ANKFN1: variants seen among roughly 807,000 people sequenced by gnomAD.
The protein encoded by ANKFN1 is ankyrin repeat and fibronectin type III domain containing 1.
Under a neutral mutation model 108.7 loss-of-function variants are expected in ANKFN1, and 74 were observed. The ratio of observed to expected loss-of-function variants is 0.68; its 90% CI spans 0.56 to 0.83. The LOEUF (loss-of-function observed/expected upper bound fraction) is 0.83. Ranked by LOEUF, ANKFN1 falls within the 40% of genes least tolerant of loss-of-function variation. The pLI is 0.00. For missense variants in ANKFN1, 1,505 were observed against 1,382.3 expected (o/e 1.09, Z -1.41); for synonymous variants, 547 against 516.2 (o/e 1.06, Z -0.81).
rs181267565 is a variant in ANKFN1 at position 56,208,964 on chromosome 17, G to A, written c.-70-3634G>A. On this transcript the variant is annotated intron_variant, in intron 1 of 20. Transcript: ENST00000682825. ...ACGATCTCAGCTAACTGCAACCTCC[G>A]CCTCCTGGATTCAACCCATTCTCCT... 1.7e-3 allele frequency among the ~76,000 whole-genome samples: 260 copies of A among 151,848 alleles called. 4 individuals carry two copies. The highest frequency in any genetic ancestry group is 6.0e-3 in the African/African-American group (250 of 41,402).
At chr17:56,314,728 T>A (rs183175897) in intron 3 of ANKFN1, among the ~76,000 whole-genome samples, 13 of 152,264 alleles carry the variant, frequency 8.5e-5, no homozygotes, top group Admixed American at 3.9e-4. Context: ...TCATTTCCAA[T>A]ATATTGGACT....
At chr17:56,508,912 A>G (rs1457651904) in intron 20 of ANKFN1, among the ~76,000 whole-genome samples, 1 of 152,200 alleles carries the variant, frequency 6.6e-6, no homozygotes, top group East Asian at 1.9e-4. Flanking sequence ...GTAATATAGA[A>G]TCTTCATTGT....
intron 1 of ANKFN1, among the ~76,000 whole-genome samples, chr17:56,161,365 C>T (rs966213165): frequency 2.0e-5 from 3 of 152,156 alleles, no homozygotes; most frequent in South Asian, 2.1e-4. Flanking sequence ...CTAGTAACTG[C>T]GTTCAGGGAA....
intron 1 of ANKFN1, among the ~76,000 whole-genome samples, chr17:56,199,197 C>T (rs1913809108): frequency 6.8e-6 from 1 of 146,276 alleles, no homozygotes; most frequent in African/African-American, 2.5e-5. Context: ...CCTATAGTTG[C>T]TTTATGTTTT....
intron 8 of ANKFN1, among the ~76,000 whole-genome samples, chr17:56,393,396 T>G (rs956446910): frequency 2.0e-5 from 3 of 152,140 alleles, no homozygotes; most frequent in African/African-American, 7.2e-5. Context: ...GCCACTTACA[T>G]CCTCTGTAAC....
At chr17:56,434,771 C>T (rs980320246) in intron 8 of ANKFN1, among the ~76,000 whole-genome samples, 1 of 129,608 alleles carries the variant, frequency 7.7e-6, no homozygotes. Flanking sequence ...CTGGGTTTCT[C>T]GGCACGTCCT....
At chr17:56,379,068 G>A (rs1262585677) in intron 8 of ANKFN1, among the ~76,000 whole-genome samples, 1 of 152,102 alleles carries the variant, frequency 6.6e-6, no homozygotes, top group Non-Finnish European at 1.5e-5. Context: ...TTAACAAAAT[G>A]TTAACCCTCA....
chr17:56,048,398 C>T (rs761598815), intron 4 of ANKFN1, among the ~76,000 whole-genome samples: 2 of 152,054 alleles, frequency 1.3e-5, no homozygotes, highest in African/African-American at 4.8e-5. Context: ...TTCTCTGAAA[C>T]GTGTTTCTAT....
chr17:56,250,578 A>G (rs1445882566), intron 3 of ANKFN1, among the ~76,000 whole-genome samples: 4 of 152,230 alleles, frequency 2.6e-5, no homozygotes, highest in Non-Finnish European at 5.9e-5. Flanking sequence ...TAAAGCATCT[A>G]TGCCACACAA....
intron 4 of ANKFN1, among the ~76,000 whole-genome samples, chr17:56,144,185 A>AAAAAAAAACTACT: frequency 1.0e-5 from 1 of 99,232 alleles, no homozygotes; most frequent in Non-Finnish European, 2.1e-5. Context: ...AAAAAAAAAA[A>AAAAAAAAACTACT]CAGCCCAAAC....
chr17:56,070,318 G>A (rs993698279), intron 4 of ANKFN1, among the ~76,000 whole-genome samples: 1 of 152,132 alleles, frequency 6.6e-6, no homozygotes, highest in African/African-American at 2.4e-5. Context: ...CCAGCTTCTG[G>A]TGGCTCCAGG....
At chr17:56,370,325 TAGGG>T (rs2046775615) in intron 6 of ANKFN1, among the ~76,000 whole-genome samples, 1 of 152,180 alleles carries the variant, frequency 6.6e-6, no homozygotes, top group Non-Finnish European at 1.5e-5. Context: ...TGTGTGGTTC[TAGGG>T]AAAGCAGAAA....
At chr17:56,467,755 GA>G (rs1205614319) in intron 15 of ANKFN1, among the ~76,000 whole-genome samples, 1 of 27,988 alleles carries the variant, frequency 3.6e-5, no homozygotes, top group African/African-American at 1.4e-4. Context: ...AAGAAAGAAA[GA>G]AAGAAAGAAA....
intron 8 of ANKFN1, among the ~76,000 whole-genome samples, chr17:56,379,137 G>C (rs1307185767): frequency 6.6e-6 from 1 of 152,192 alleles, no homozygotes; most frequent in Non-Finnish European, 1.5e-5. Context: ...GGTGGTTCAT[G>C]CCTATAATCC....
chr17:56,078,522 G>A lies in ANKFN1; in HGVS notation c.288+32197G>A, dbSNP rs570605843. 3.9e-5 allele frequency among the ~76,000 whole-genome samples: 6 copies of A among 152,302 alleles called. No homozygotes were observed. In the South Asian group the frequency reaches 8.3e-4, roughly 21 times the overall value. The stretch of plus-strand genomic sequence containing the variant: ...TGTCCATAGTCTTTGCGTATATTGT[G>A]TCTTTTAATATTTTGCCCAGAGTTT... On this transcript the variant is annotated intron_variant, in intron 4 of 12. Transcript: ENST00000635860.
chr17:56,276,164 G>A (rs1242349439), intron 3 of ANKFN1, among the ~76,000 whole-genome samples: 2 of 152,026 alleles, frequency 1.3e-5, no homozygotes, highest in Admixed American at 6.6e-5. Context: ...ATGGTTTCCA[G>A]CTTCATCCAT....
rs1422819814 is a variant in ANKFN1 at position 56,391,231 on chromosome 17, A to G, written c.910+16517A>G. On this transcript the variant is annotated intron_variant, in intron 8 of 20. Coordinates refer to ENST00000682825, the MANE Select transcript of ANKFN1 (RefSeq NM_001370326.1). ...AGAATACATATATATATATATATAT[A>G]TATATATATATATATATGTATGTGT... Among the ~76,000 whole-genome samples, 7 of 33,258 alleles carry G rather than the reference A, an allele frequency of 2.1e-4. No individual in the cohort carries two copies. The South Asian group carries it at 7.2e-3, about 34-fold the overall frequency. 21.8% of individuals were successfully genotyped at this position (33,258 alleles called of 152,430 possible).
intron 3 of ANKFN1, among the ~76,000 whole-genome samples, chr17:56,291,501 C>T (rs1055347336): frequency 1.3e-5 from 2 of 152,106 alleles, no homozygotes; most frequent in African/African-American, 2.4e-5. Flanking sequence ...CATTTAGGGG[C>T]CTTATGGTAT....
At chr17:56,395,044 G>A (rs1262568760) in intron 8 of ANKFN1, among the ~76,000 whole-genome samples, 1 of 152,206 alleles carries the variant, frequency 6.6e-6, no homozygotes, top group East Asian at 1.9e-4. Context: ...CCCTTTGGGA[G>A]GTTGGGGGTG....
Sources: gnomAD v4.1 joint callset for allele counts (sites outside exome capture counted in the v4.1 genomes callset) on GRCh38, gnomAD v4.1.1 for gene constraint, MANE v1.5 for transcripts, NCBI Gene and HGNC (gene_info 2026-07-23, HGNC 2026-07-21) for gene names.